The following CDH15 variants were observed in gnomAD, a reference collection of about 807,000 sequenced individuals.
The protein encoded by CDH15 is cadherin-15.
In CDH15, 73 loss-of-function variants were observed where a neutral mutation model predicts 69.4. The ratio of observed to expected loss-of-function variants is 1.05; its 90% CI spans 0.87 to 1.28. CDH15 has a LOEUF of 1.28. Among genes scored for constraint, CDH15 ranks in the 50% most tolerant of loss-of-function variants. The pLI is 0.00. For synonymous variants in CDH15, 624 were observed against 507.7 expected, an observed-to-expected ratio of 1.23 and a Z score of -3.08; for missense variants, 1,343 against 1,133.6, an observed-to-expected ratio of 1.18 and a Z score of -2.65.
intron 1 of CDH15, among the ~76,000 whole-genome samples, chr16:89,172,222 G>T: frequency 6.6e-6 from 1 of 152,172 alleles, no homozygotes; most frequent in East Asian, 1.9e-4. Flanking sequence ...GCAGAGAGAG[G>T]GGGGAGCGGC....
In CDH15 at chr16:89,188,145, C is replaced by A. The variant is rs764686809; in HGVS notation, c.838C>A (p.Arg280Ser). The change falls in exon 7 of 14, where the codon CGC (arginine) becomes AGC (serine). Residue 280 changes from arginine to serine, a missense_variant. By Grantham distance (110) the Arg-to-Ser change is moderately radical. Coordinates refer to ENST00000289746, the MANE Select transcript of CDH15 (RefSeq NM_004933.3). ...GGCCGTCAGCGGAGTGGATGTGGGA[C>A]GCCTGGAAGTGGAGGACAGGGACCT... Reference protein sequence around the residue: ...IEAVSGVDVGRLEVEDRDLPG... With the variant: ...IEAVSGVDVGSLEVEDRDLPG... 1.2e-6 allele frequency: 2 copies of A among 1,613,222 alleles called. No individual in the cohort carries two copies. The highest frequency in any genetic ancestry group is 2.7e-5 in the African/African-American group (2 of 75,034).
chr16:89,183,455 A>C, intron 3 of CDH15, 93 bp from the exon 4 acceptor site: 1 of 1,443,622 alleles, frequency 6.9e-7, no homozygotes. Flanking sequence ...GCTGGAGACA[A>C]AGTCTGAACG....
chr16:89,189,700 G>C (rs1310453106), intron 7 of CDH15, among the ~76,000 whole-genome samples: 2 of 152,236 alleles, frequency 1.3e-5, no homozygotes, highest in East Asian at 3.8e-4. Context: ...GAGGCCATAG[G>C]AGACACATGC....
rs749673851 is a variant in CDH15, at chr16:89,192,317, C to A, written c.1728C>A (p.Asn576Lys). 6.5e-7 allele frequency: 1 copy of A among 1,535,594 alleles called. No individual in the cohort carries two copies. Among genetic ancestry groups the A allele is most frequent in the East Asian group, 2.4e-5 (1 of 41,062 alleles). ...QPPQQREQPL[N>K]VTVCRCGKDG... ...CCCAGCAGCGCGAGCAGCCTCTGAA[C>A]GTGACCGTGTGCCGCTGCGGCAAGG... The change falls in exon 11 of 14, where the codon AAC becomes AAA. Residue 576 changes from asparagine to lysine, a missense_variant. Coordinates refer to ENST00000289746, the MANE Select transcript of CDH15 (RefSeq NM_004933.3).
Position 89,191,667 on chromosome 16 carries a change from G to C in CDH15, c.1388G>C (p.Arg463Pro). ...VLAQDDASQP[R>P]TATGTLSIEI... Reference sequence around the variant, plus strand: ...TCCTCGCCTGCAGCCTCCCAGCCCCGCACCGCCACCGGCACCCTGTCCATC... The same window carrying C: ...TCCTCGCCTGCAGCCTCCCAGCCCCCCACCGCCACCGGCACCCTGTCCATC... Residue 463 changes from arginine (R) to proline (P), a missense_variant, in exon 10 of 14, where the codon CGC becomes CCC. Coordinates refer to ENST00000289746, the MANE Select transcript of CDH15 (RefSeq NM_004933.3). 2.5e-6 allele frequency: 4 copies of C among 1,591,636 alleles called. No individual in the cohort carries two copies. Among genetic ancestry groups the C allele is most frequent in the Non-Finnish European group, 3.4e-6 (4 of 1,174,042 alleles).
At position 89,185,148 on chromosome 16, in the gene CDH15, C is replaced by T. The variant is rs1484172036; in HGVS notation, c.503-25C>T. 3.8e-6 allele frequency: 6 copies of T among 1,573,892 alleles called. No homozygotes were observed. In the South Asian group the frequency reaches 5.8e-5, roughly 15 times the overall value. Reference sequence around the variant, plus strand: ...GCCCATCGGCCCTGTGGACGTTGGCCCTCACGCCTCCCTGTGCTTCCCAGG... The same window carrying T: ...GCCCATCGGCCCTGTGGACGTTGGCTCTCACGCCTCCCTGTGCTTCCCAGG... On this transcript the variant is annotated intron_variant, in intron 4 of 13. Transcript: ENST00000289746.
chr16:89,191,390 C>T lies in CDH15; in HGVS notation c.1293C>T (p.Ile431=). 1.2e-6 allele frequency: 2 copies of T among 1,612,818 alleles called. No homozygotes were observed. Among genetic ancestry groups the T allele is most frequent in the Non-Finnish European group, 1.7e-6 (2 of 1,179,990 alleles). Residue 431 remains isoleucine (I), a synonymous_variant, in exon 9 of 14, where the codon ATC becomes ATT. Transcript: ENST00000289746. Reference sequence around the variant, plus strand: ...AAGTGGACGCAGCCACTGGCCGGATCCAGACCCAGCACGTGCTCAGCCCGG... The same window carrying T: ...AAGTGGACGCAGCCACTGGCCGGATTCAGACCCAGCACGTGCTCAGCCCGG... ...WLQVDAATGR[I]QTQHVLSPAS...
intron 9 of CDH15, 58 bp from the exon 10 acceptor site, chr16:89,191,597 G>T (rs1008657149): frequency 8.9e-6 from 14 of 1,571,060 alleles, no homozygotes. Flanking sequence ...GCTCTGAGCC[G>T]ACTGGTGGGG....
At position 89,187,435 on chromosome 16, in the gene CDH15, G is replaced by A. The variant is rs753422784; in HGVS notation, c.670G>A (p.Ala224Thr). 1.2e-5 allele frequency: 20 copies of A among 1,612,838 alleles called. No homozygotes were observed. The highest frequency in any genetic ancestry group is 3.3e-5 in the Admixed American group (2 of 59,994). ...VQVGLDREVVAVYNLTLQVAD... is the reference protein window; with the variant it reads ...VQVGLDREVVTVYNLTLQVAD... The stretch of plus-strand genomic sequence containing the variant: ...CTGTGCCCCACATCCCCAGGTGGTC[G>A]CGGTGTACAATCTGACCCTGCAGGT... The change falls in exon 6 of 14, where the codon GCG becomes ACG. Residue 224 changes from alanine to threonine, a missense_variant. By Grantham distance (58) the Ala-to-Thr change is moderately conservative. Coordinates refer to ENST00000289746, the MANE Select transcript of CDH15 (RefSeq NM_004933.3).
At position 89,171,764 on chromosome 16, in the gene CDH15, G is replaced by T; in HGVS notation, c.-68G>T. 1 of 1,488,634 alleles carries T rather than the reference G, an allele frequency of 6.7e-7. No homozygotes were observed. Among genetic ancestry groups the T allele is most frequent in the Non-Finnish European group, 9.1e-7 (1 of 1,104,316 alleles). 92.2% of individuals were successfully genotyped at this position (1,488,634 alleles called of 1,614,324 possible). A position where few individuals can be genotyped will look rare whatever the true frequency, so the allele number is the denominator to read the frequency against. On this transcript the variant is annotated 5_prime_UTR_variant, in exon 1 of 14. Coordinates refer to ENST00000289746, the MANE Select transcript of CDH15 (RefSeq NM_004933.3). ...CTGGCCCGCCCCGCGCACTTGCGCT[G>T]TCACTCAGCCTGGACGCGCTTCTTC... is the stretch of plus-strand genomic sequence containing the variant.
In CDH15 at chr16:89,191,740, G is replaced by T. The variant is rs761015664; in HGVS notation, c.1461G>T (p.Pro487=). The change falls in exon 10 of 14, where the codon CCG becomes CCT. Residue 487 remains proline, a synonymous_variant. Transcript: ENST00000289746. The part of the protein sequence containing the change: ...NDHAPVLAPP[P]PGSLCSEPHQ... ...ATGCACCTGTGCTGGCCCCGCCGCC[G>T]CCGGGCAGCCTGTGCAGCGAGCCAC... is the stretch of plus-strand genomic sequence containing the variant. The T allele has an allele frequency of 1.9e-6, 3 of 1,604,120 alleles. No individual in the cohort carries two copies. The highest frequency in any genetic ancestry group is 2.2e-5 in the East Asian group (1 of 44,786).
chr16:89,176,383 G>C (rs1915256371), intron 1 of CDH15, among the ~76,000 whole-genome samples: 1 of 152,162 alleles, frequency 6.6e-6, no homozygotes, highest in Admixed American at 6.5e-5. Context: ...GTTTTGCAGG[G>C]GGAGGGGCGG....
Position 89,179,468 on chromosome 16 carries a change from A to T in CDH15, c.95A>T (p.Tyr32Phe), listed in dbSNP as rs1457609987. 6.2e-7 allele frequency: 1 copy of T among 1,613,382 alleles called. No homozygotes were observed. Among genetic ancestry groups the T allele is most frequent in the East Asian group, 2.2e-5 (1 of 44,850 alleles). Residue 32 changes from tyrosine to phenylalanine, a missense_variant, in exon 2 of 14, where the codon TAC (tyrosine) becomes TTC (phenylalanine). Physicochemically the swap from Tyr to Phe is conservative, Grantham distance 22 (BLOSUM62 3). Coordinates refer to ENST00000289746, the MANE Select transcript of CDH15 (RefSeq NM_004933.3). ...VPGWRRPTTL[Y>F]PWRRAPALSR... is the part of the protein sequence containing the mutation. ...GGATGGAGGAGGCCCACCACCCTGT[A>T]CCCCTGGCGCCGGGCGCCTGCCCTG...
rs1915211837 is a variant in CDH15 at position 89,174,188 on chromosome 16, G to T, written c.42+2315G>T. On this transcript the variant is annotated intron_variant, in intron 1 of 13. Coordinates refer to ENST00000289746, the MANE Select transcript of CDH15 (RefSeq NM_004933.3). ...TTCTCTGAAGCCCGCAGCAGCTAGAGAGGGTGGGGCCCAGGGAAGATGCTC... is the reference window on the plus strand; with the variant it reads ...TTCTCTGAAGCCCGCAGCAGCTAGATAGGGTGGGGCCCAGGGAAGATGCTC... 7.2e-5 allele frequency among the ~76,000 whole-genome samples: 11 copies of T among 152,222 alleles called. No homozygotes were observed. The South Asian group carries it at 2.3e-3, about 32-fold the overall frequency.
Position 89,187,434 on chromosome 16 carries a change from C to A in CDH15, c.669C>A (p.Val223=), listed in dbSNP as rs138351924. 573 of 1,612,776 alleles carry A rather than the reference C, an allele frequency of 3.6e-4. 3 individuals are homozygous for A. Among genetic ancestry groups the A allele is most frequent in the Non-Finnish European group, 7.5e-5 (89 of 1,180,002 alleles). ...CCTGTGCCCCACATCCCCAGGTGGT[C>A]GCGGTGTACAATCTGACCCTGCAGG... ...TVQVGLDREV[V]AVYNLTLQVA... Residue 223 remains valine (V), a synonymous_variant, in exon 6 of 14, where the codon GTC becomes GTA. Coordinates refer to ENST00000289746, the MANE Select transcript of CDH15 (RefSeq NM_004933.3).
intron 3 of CDH15, among the ~76,000 whole-genome samples, chr16:89,181,131 G>C (rs1381501799): frequency 1.3e-5 from 2 of 152,084 alleles, no homozygotes; most frequent in Non-Finnish European, 2.9e-5. Context: ...ACCGTGCCCA[G>C]TTAATTTTTG....
At position 89,193,884 on chromosome 16, in the gene CDH15, C is replaced by T; in HGVS notation, c.2122C>T (p.Pro708Ser). The change falls in exon 13 of 14, where the codon CCC (proline) becomes TCC (serine). Residue 708 changes from proline to serine, a missense_variant. By Grantham distance (74) the Pro-to-Ser change is moderately conservative (BLOSUM62 -1). Coordinates refer to ENST00000289746, the MANE Select transcript of CDH15 (RefSeq NM_004933.3). ...PQPPRVLPTSPLDIADFINDG... is the reference protein window; with the variant it reads ...PQPPRVLPTSSLDIADFINDG... ...GCCACCCCGAGTGCTGCCCACCAGC[C>T]CCCTGGACATCGCCGACTTCATCAA... The T allele has an allele frequency of 2.5e-6, 4 of 1,612,296 alleles. No homozygotes were observed. The highest frequency in any genetic ancestry group is 2.2e-5 in the South Asian group (2 of 91,062).
At chr16:89,187,972 A>G in intron 6 of CDH15, 128 bp from the exon 7 acceptor site, 1 of 733,524 alleles carries the variant, frequency 1.4e-6, no homozygotes. Flanking sequence ...GACAGGAGCA[A>G]GGGAGGGTGT....
At chr16:89,187,062 C>A (rs555341358) in intron 5 of CDH15, among the ~76,000 whole-genome samples, 2 of 151,754 alleles carry the variant, frequency 1.3e-5, no homozygotes, top group African/African-American at 4.8e-5. Flanking sequence ...AACGCTTACC[C>A]CGGGCACACA....
Sources: allele counts gnomAD v4.1 joint callset (sites outside exome capture counted in the v4.1 genomes callset), GRCh38; gene constraint gnomAD v4.1.1; transcripts MANE v1.5; gene names NCBI Gene and HGNC (gene_info 2026-07-23, HGNC 2026-07-21).